Variants in CD58 observed in about 807,000 individuals in gnomAD.
CD58 encodes the protein CD58 molecule, also known as lymphocyte function-associated antigen 3.
A neutral mutation model predicts 27.6 loss-of-function variants in CD58; 14 were observed. The observed-to-expected ratio is 0.51, with a 90% CI of 0.34 to 0.79. The LOEUF is 0.79. CD58 is among the 30% of genes least tolerant of loss of function. The probability of loss-of-function intolerance (pLI) is 0.02; values close to 1 mark genes in which losing one functional copy is unlikely to be tolerated. For synonymous variants in CD58, 117 were observed against 103.8 expected (o/e 1.13, Z -0.77); for missense variants, 268 against 301.7 (o/e 0.89, Z 0.83).
rs1428648627 is a variant in CD58, at chr1:116,517,345, T to G, written c.743+1886A>C. On this transcript the variant is annotated intron_variant, in intron 5 of 5. Coordinates refer to ENST00000369489, the MANE Select transcript of CD58 (RefSeq NM_001779.3). This position sits in a 1 kb window ranked among gnomAD's most constrained non-coding sequence, Gnocchi z 6.5. ...CTCATGGCCTTGGGTCCTCCCAGCT[T>G]GGGTCTGTGGCCGGCTGAGCTGCCC... Among the ~76,000 whole-genome samples, 1 of 152,180 alleles carries G rather than the reference T, an allele frequency of 6.6e-6. No homozygotes were observed. Among genetic ancestry groups the G allele is most frequent in the African/African-American group, 2.4e-5 (1 of 41,444 alleles).
Position 116,536,881 on chromosome 1 carries a change from C to T in CD58, c.365-653G>A, listed in dbSNP as rs1657827943. Among the ~76,000 whole-genome samples, 1 of 152,184 alleles carries T rather than the reference C, an allele frequency of 6.6e-6. No individual in the cohort carries two copies. The highest frequency in any genetic ancestry group is 1.9e-4 in the East Asian group (1 of 5,200). On this transcript the variant is annotated intron_variant, in intron 2 of 5. Coordinates refer to ENST00000369489, the MANE Select transcript of CD58 (RefSeq NM_001779.3). This position sits in a 1 kb window ranked among gnomAD's most constrained non-coding sequence, Gnocchi z 5.4. Reference sequence around the variant, plus strand: ...GTAGCAAAATCGTTTAGCTGCAAATCCTGACCTGACCTGAATTAACACAAG... The same window carrying T: ...GTAGCAAAATCGTTTAGCTGCAAATTCTGACCTGACCTGAATTAACACAAG...
At chr1:116,535,050 ACC>A (rs1433807147) in intron 3 of CD58, among the ~76,000 whole-genome samples, 16 of 152,280 alleles carry the variant, frequency 1.1e-4, no homozygotes, top group Admixed American at 3.9e-4. Context: ...CAAGTCACTG[ACC>A]TTTTTGTTTG....
At chr1:116,560,912 T>C (rs150209712) in intron 1 of CD58, among the ~76,000 whole-genome samples, 76 of 152,294 alleles carry the variant, frequency 5.0e-4, no homozygotes, top group African/African-American at 1.6e-3. Context: ...AACCCTGAGA[T>C]GGAAGTTGAG....
chr1:116,533,734 A>G, intron 3 of CD58: 3 of 700,070 alleles, frequency 4.3e-6, no homozygotes, highest in East Asian at 2.9e-5. Context: ...TTCTGATTCC[A>G]TATCAGATGT....
chr1:116,564,593 T>G (rs1007538612), intron 1 of CD58, among the ~76,000 whole-genome samples: 1 of 152,198 alleles, frequency 6.6e-6, no homozygotes, highest in African/African-American at 2.4e-5. Context: ...GTAAGGCACA[T>G]CTTACATGGC....
chr1:116,547,011 T>A (rs1170558079), intron 1 of CD58, among the ~76,000 whole-genome samples: 1 of 152,140 alleles, frequency 6.6e-6, no homozygotes, highest in Non-Finnish European at 1.5e-5. Context: ...AATTTTTTTA[T>A]TACTATTATC....
chr1:116,568,358 T>C (rs1212794291), intron 1 of CD58, among the ~76,000 whole-genome samples: 1 of 152,184 alleles, frequency 6.6e-6, no homozygotes, highest in Non-Finnish European at 1.5e-5. Context: ...AGTTAACTGG[T>C]GATTCAAGGA....
At chr1:116,547,066 G>GT (rs61478445) in intron 1 of CD58, among the ~76,000 whole-genome samples, 21,179 of 137,120 alleles carry the variant, frequency 0.15, 2,231 homozygotes, top group East Asian at 0.57. Flanking sequence ...ACATGGATAA[G>GT]TTTTTTTTTT....
At position 116,563,048 on chromosome 1, in the gene CD58, T is replaced by G. The variant is rs1658807895; in HGVS notation, c.70+7855A>C. Reference sequence around the variant, plus strand: ...CCTGTAAAATCAAAGGCAAGTTAGTTACTTCCTAGATACAATGGGGGTACA... The same window carrying G: ...CCTGTAAAATCAAAGGCAAGTTAGTGACTTCCTAGATACAATGGGGGTACA... On this transcript the variant is annotated intron_variant, in intron 1 of 5. Coordinates refer to ENST00000369489, the MANE Select transcript of CD58 (RefSeq NM_001779.3). The surrounding 1 kb of genome is among the most constrained non-coding windows in gnomAD (Gnocchi z 4.1). 6.6e-6 allele frequency among the ~76,000 whole-genome samples: 1 copy of G among 152,180 alleles called. No individual in the cohort carries two copies. The highest frequency in any genetic ancestry group is 2.4e-5 in the African/African-American group (1 of 41,436).
intron 1 of CD58, among the ~76,000 whole-genome samples, chr1:116,561,961 G>A (rs1166406438): frequency 6.6e-6 from 1 of 152,102 alleles, no homozygotes; most frequent in Non-Finnish European, 1.5e-5. Flanking sequence ...TTATAACACT[G>A]GGCCTAGTTT....
rs952134278 is a variant in CD58 at position 116,522,324 on chromosome 1, A to G, written c.629-341T>C. ...GATTTCACTATTTTAAGTGGTCCCA[A>G]AGTATAGTGTTGAAGGGCTGACAAG... On this transcript the variant is annotated intron_variant, in intron 3 of 5. Transcript: ENST00000369489. This position sits in a 1 kb window ranked among gnomAD's most constrained non-coding sequence, Gnocchi z 4.6. 2.0e-5 allele frequency among the ~76,000 whole-genome samples: 3 copies of G among 152,196 alleles called. No individual in the cohort carries two copies. The highest frequency in any genetic ancestry group is 4.4e-5 in the Non-Finnish European group (3 of 68,034).
chr1:116,530,946 G>T (rs1243501803), intron 3 of CD58, among the ~76,000 whole-genome samples: 1 of 152,072 alleles, frequency 6.6e-6, no homozygotes, highest in African/African-American at 2.4e-5. Context: ...ACTACTCCAG[G>T]ATTTAAACCT....
intron 5 of CD58, chr1:116,518,924 G>A (rs761668072): frequency 4.3e-5 from 44 of 1,026,388 alleles, no homozygotes; most frequent in East Asian, 1.3e-4. Flanking sequence ...TACTAGCAAC[G>A]TGACTTTGAT....
rs1657195119 is a variant in CD58 at position 116,519,411 on chromosome 1, C to T, written c.707-144G>A. On this transcript the variant is annotated intron_variant, in intron 4 of 5. Transcript: ENST00000369489. The surrounding 1 kb of genome is among the most constrained non-coding windows in gnomAD (Gnocchi z 4.7). ...CTGGGATTTCCTGCTATCCTATATG[C>T]TTTAAATCAAATCGGCTACAGAGCT... The T allele has an allele frequency of 4.0e-6, 3 of 748,098 alleles. No homozygotes were observed. In the East Asian group the frequency reaches 8.2e-5, roughly 20 times the overall value. The allele number at this position is 748,098 out of a possible 1,614,324, so 46.3% of individuals were successfully genotyped here.
intron 2 of CD58, among the ~76,000 whole-genome samples, chr1:116,539,264 G>C (rs1319299827): frequency 6.6e-6 from 1 of 152,180 alleles, no homozygotes; most frequent in Non-Finnish European, 1.5e-5. Flanking sequence ...ATGATGAGAA[G>C]AGTCACTGAG....
chr1:116,551,714 G>A (rs1413153796), intron 1 of CD58, among the ~76,000 whole-genome samples: 2 of 147,186 alleles, frequency 1.4e-5, no homozygotes, highest in African/African-American at 2.5e-5. Flanking sequence ...TCAGCCCATC[G>A]TGGCTTTTTT....
chr1:116,570,015 G>A lies in CD58; in HGVS notation c.70+888C>T, dbSNP rs1270851463. Among the ~76,000 whole-genome samples the A allele has an allele frequency of 1.3e-5, 2 of 152,234 alleles. No homozygotes were observed. Among genetic ancestry groups the A allele is most frequent in the African/African-American group, 2.4e-5 (1 of 41,470 alleles). ...CACACGCGCACCTCCCGGGCAGGCAGCGGACGCTGAGCAAACGGACGGACG... is the reference window on the plus strand; with the variant it reads ...CACACGCGCACCTCCCGGGCAGGCAACGGACGCTGAGCAAACGGACGGACG... On this transcript the variant is annotated intron_variant, in intron 1 of 5. Coordinates refer to ENST00000369489, the MANE Select transcript of CD58 (RefSeq NM_001779.3). The surrounding 1 kb of genome is among the most constrained non-coding windows in gnomAD (Gnocchi z 6.4).
At chr1:116,518,262 G>T (rs1657151232) in intron 5 of CD58, among the ~76,000 whole-genome samples, 2 of 151,976 alleles carry the variant, frequency 1.3e-5, no homozygotes, top group African/African-American at 4.8e-5. Context: ...CAGGACCTCT[G>T]CTGTTTCTCT....
intron 2 of CD58, among the ~76,000 whole-genome samples, chr1:116,539,533 GA>G (rs556693660): frequency 2.0e-5 from 3 of 151,644 alleles, no homozygotes; most frequent in South Asian, 4.2e-4. Flanking sequence ...GAAAAGAAAA[GA>G]AAAAAAACAG....
Sources: allele counts gnomAD v4.1 joint callset (sites outside exome capture counted in the v4.1 genomes callset), GRCh38; gene constraint gnomAD v4.1.1; non-coding constraint Gnocchi (gnomAD v3.1); transcripts MANE v1.5; gene names NCBI Gene and HGNC (gene_info 2026-07-23, HGNC 2026-07-21).